The following RANBP3L variants were observed in gnomAD, a reference collection of about 807,000 sequenced individuals.
RANBP3L encodes ran-binding protein 3-like.
In RANBP3L, 56 loss-of-function variants were observed where a neutral mutation model predicts 67.2. The observed-to-expected ratio is 0.83, with a 90% CI of 0.67 to 1.04. The LOEUF (loss-of-function observed/expected upper bound fraction) is 1.04. Among genes scored for constraint, RANBP3L ranks in the 50% least tolerant of loss-of-function variants. The pLI, the probability that RANBP3L is intolerant of heterozygous loss-of-function variation, is 0.00. For synonymous variants in RANBP3L, 164 were observed against 181.4 expected, an observed-to-expected ratio of 0.90 and a Z score of 0.77; for missense variants, 496 against 535.5, an observed-to-expected ratio of 0.93 and a Z score of 0.73.
intron 8 of RANBP3L, among the ~76,000 whole-genome samples, chr5:36,260,292 C>T (rs1055923088): frequency 6.6e-5 from 9 of 135,836 alleles, no homozygotes; most frequent in East Asian, 5.0e-4. Flanking sequence ...ACCCAGGAGG[C>T]GGAGGTTGCA....
chr5:36,250,295 T>A (rs1196915003), intron 13 of RANBP3L, among the ~76,000 whole-genome samples: 1 of 151,960 alleles, frequency 6.6e-6, no homozygotes, highest in Non-Finnish European at 1.5e-5. Flanking sequence ...TAATAAACCA[T>A]TTGTTTAATA....
chr5:36,251,060 T>G (rs1462955794), intron 13 of RANBP3L, among the ~76,000 whole-genome samples: 11 of 152,064 alleles, frequency 7.2e-5, no homozygotes, highest in Non-Finnish European at 1.5e-4. Context: ...AGGGTAGCAA[T>G]GTAATAGTTT....
At chr5:36,299,313 G>C (rs1197752909) in intron 1 of RANBP3L, among the ~76,000 whole-genome samples, 1 of 148,314 alleles carries the variant, frequency 6.7e-6, no homozygotes, top group Non-Finnish European at 1.5e-5. Context: ...ACGTATATCT[G>C]TATATATATA....
Position 36,253,681 on chromosome 5 carries a change from A to G in RANBP3L, c.1133T>C (p.Leu378Ser), listed in dbSNP as rs771943952. 9.9e-6 allele frequency: 16 copies of G among 1,609,930 alleles called. No homozygotes were observed. In the South Asian group the frequency reaches 1.6e-4, roughly 17 times the overall value. ...HKNVRITATD[L>S]EDYSIKIFLI... The stretch of plus-strand genomic sequence containing the variant: ...AAATATTTTGATGCTATAGTCTTCT[A>G]AATCAGTAGCTGTTATTCGTACATT... The change falls in exon 12 of 14, where the codon TTA (leucine) becomes TCA (serine). Residue 378 changes from leucine to serine, a missense_variant. Coordinates refer to ENST00000296604, the MANE Select transcript of RANBP3L (RefSeq NM_145000.5).
intron 2 of RANBP3L, 61 bp downstream of exon 2, chr5:36,271,192 C>T (rs1750182843): frequency 1.0e-6 from 1 of 956,128 alleles, no homozygotes; most frequent in South Asian, 1.3e-5. Flanking sequence ...GGATAACTAG[C>T]TTCCTGAAAT....
intron 1 of RANBP3L, among the ~76,000 whole-genome samples, chr5:36,286,511 G>A (rs1374891695): frequency 6.6e-6 from 1 of 152,118 alleles, no homozygotes; most frequent in African/African-American, 2.4e-5. Context: ...TGCAACTGCA[G>A]CAATGATGGC....
intron 1 of RANBP3L, among the ~76,000 whole-genome samples, chr5:36,290,895 C>G (rs1751696135): frequency 7.6e-6 from 1 of 132,230 alleles, no homozygotes; most frequent in African/African-American, 3.5e-5. Flanking sequence ...CCATGCCTGG[C>G]TAATTTTTTT....
At chr5:36,261,146 C>A (rs887593897) in intron 7 of RANBP3L, among the ~76,000 whole-genome samples, 2 of 152,124 alleles carry the variant, frequency 1.3e-5, no homozygotes, top group African/African-American at 4.8e-5. Context: ...GCTTCCCAAC[C>A]CCTTTTGCTT....
chr5:36,293,645 T>A (rs1751970818), intron 1 of RANBP3L, among the ~76,000 whole-genome samples: 1 of 122,932 alleles, frequency 8.1e-6, no homozygotes, highest in Non-Finnish European at 1.9e-5. Context: ...CTTTTCTGCA[T>A]CCATTGAGAT....
At chr5:36,278,835 G>T (rs1750776805) in intron 1 of RANBP3L, among the ~76,000 whole-genome samples, 1 of 152,098 alleles carries the variant, frequency 6.6e-6, no homozygotes, top group Non-Finnish European at 1.5e-5. Flanking sequence ...ACATGCAAAA[G>T]TTCGCTTTCT....
rs754638549 is a variant in RANBP3L, at chr5:36,249,671, ACTGT to A, written c.1377_1380del (p.Arg459SerfsTer12). ...GGTAGTATTCATGAACAGGCAACCG[ACTGT>A]CTGTGAGTCCAACTAGAAGGATCTG... On this transcript the variant is annotated frameshift_variant, in exon 14 of 14. Coordinates refer to ENST00000296604, the MANE Select transcript of RANBP3L (RefSeq NM_145000.5). LOFTEE classifies it high-confidence loss of function. 6.3e-5 allele frequency: 98 copies of A among 1,561,196 alleles called. No homozygotes were observed. The highest frequency in any genetic ancestry group is 7.5e-5 in the Non-Finnish European group (86 of 1,142,728).
chr5:36,279,824 T>C (rs1025656349), intron 1 of RANBP3L, among the ~76,000 whole-genome samples: 1 of 152,184 alleles, frequency 6.6e-6, no homozygotes, highest in African/African-American at 2.4e-5. Context: ...TTTCTTAGTT[T>C]ATATTCATTT....
chr5:36,270,849 A>G (rs532679351), intron 2 of RANBP3L, among the ~76,000 whole-genome samples: 89 of 152,342 alleles, frequency 5.8e-4, no homozygotes, highest in African/African-American at 2.1e-3. Context: ...ATGATGCCAA[A>G]AAAAGCAGAC....
At chr5:36,282,635 A>G (rs1389636051) in intron 1 of RANBP3L, among the ~76,000 whole-genome samples, 4 of 152,220 alleles carry the variant, frequency 2.6e-5, no homozygotes, top group African/African-American at 9.6e-5. Flanking sequence ...ACATAGAAGA[A>G]AAAGCTCCTT....
intron 5 of RANBP3L, 129 bp downstream of exon 5, chr5:36,265,320 C>T (rs10076051): frequency 0.027 from 18,931 of 699,148 alleles, 1,184 homozygotes; most frequent in South Asian, 0.19. Context: ...GGCTTACTTG[C>T]ATTATTTCTT....
At chr5:36,279,177 A>G (rs1376600071) in intron 1 of RANBP3L, among the ~76,000 whole-genome samples, 1 of 152,160 alleles carries the variant, frequency 6.6e-6, no homozygotes, top group Non-Finnish European at 1.5e-5. Flanking sequence ...TTTAAAAAAG[A>G]ACAAACAAAA....
chr5:36,254,594 T>C (rs1748837656), intron 11 of RANBP3L, among the ~76,000 whole-genome samples: 1 of 152,050 alleles, frequency 6.6e-6, no homozygotes, highest in South Asian at 2.1e-4. Flanking sequence ...GGTTGGGTGA[T>C]TTAGAAATCT....
At chr5:36,292,990 G>C (rs1464188450) in intron 1 of RANBP3L, among the ~76,000 whole-genome samples, 1 of 134,086 alleles carries the variant, frequency 7.5e-6, no homozygotes, top group South Asian at 2.7e-4. Flanking sequence ...ATTTCCTTGG[G>C]CAGTATGGCC....
At chr5:36,250,774 A>C (rs1211504274) in intron 13 of RANBP3L, among the ~76,000 whole-genome samples, 2 of 152,122 alleles carry the variant, frequency 1.3e-5, no homozygotes, top group African/African-American at 4.8e-5. Flanking sequence ...TCTGTTTATC[A>C]CTGATTCCAC....
Sources: gnomAD v4.1 joint callset for allele counts (sites outside exome capture counted in the v4.1 genomes callset) on GRCh38, gnomAD v4.1.1 for gene constraint, MANE v1.5 for transcripts, NCBI Gene and HGNC (gene_info 2026-07-23, HGNC 2026-07-21) for gene names.